Variants in SLC14A2 observed in about 807,000 individuals in gnomAD.
SLC14A2 encodes the protein urea transporter 2.
Under a neutral mutation model 104.6 loss-of-function variants are expected in SLC14A2, and 91 were observed. That is an observed-to-expected ratio of 0.87 (90% CI 0.73 to 1.04). The LOEUF (loss-of-function observed/expected upper bound fraction) is 1.04, where lower values mean the gene tolerates loss of function less well. SLC14A2 is among the 50% of genes least tolerant of loss of function. SLC14A2 has a pLI of 0.00. For missense variants in SLC14A2, 1,189 were observed against 1,156.0 expected, an observed-to-expected ratio of 1.03 and a Z score of -0.41; for synonymous variants, 476 against 466.4, an observed-to-expected ratio of 1.02 and a Z score of -0.27.
intron 1 of SLC14A2, among the ~76,000 whole-genome samples, chr18:45,248,044 T>G (rs903297493): frequency 6.6e-6 from 1 of 152,110 alleles, no homozygotes; most frequent in African/African-American, 2.4e-5. Context: ...AAAAACCCCT[T>G]TCTATCAGTG....
chr18:45,190,628 G>A, the SLC14A2 span, among the ~76,000 whole-genome samples: 1 of 152,262 alleles, frequency 6.6e-6, no homozygotes, highest in South Asian at 2.1e-4. Context: ...ATAGAGATGG[G>A]CCGTGGCAGT....
At chr18:45,284,977 T>C (rs2084798974) in intron 1 of SLC14A2, among the ~76,000 whole-genome samples, 1 of 152,142 alleles carries the variant, frequency 6.6e-6, no homozygotes, top group Admixed American at 6.5e-5. Flanking sequence ...AGAAAGGCTC[T>C]TTTTTAAATA....
upstream of SLC14A2, among the ~76,000 whole-genome samples, chr18:45,612,283 G>A (rs1599064328): frequency 6.6e-6 from 1 of 152,334 alleles, no homozygotes; most frequent in East Asian, 1.9e-4. Context: ...GGGCTGGCAA[G>A]ATAAGCAAAT....
At chr18:45,180,792 A>G in the SLC14A2 span, among the ~76,000 whole-genome samples, 1 of 152,236 alleles carries the variant, frequency 6.6e-6, no homozygotes, top group African/African-American at 2.4e-5. Flanking sequence ...TCAGAACATG[A>G]TATAATCCTT....
chr18:45,182,609 GC>G, the SLC14A2 span, among the ~76,000 whole-genome samples: 1 of 151,710 alleles, frequency 6.6e-6, no homozygotes, highest in African/African-American at 2.4e-5. Flanking sequence ...GACATCAGAA[GC>G]TTTCCTATGT....
At chr18:45,507,533 C>G (rs1417137239) in intron 2 of SLC14A2, 1 of 152,288 alleles carries the variant, frequency 6.6e-6, no homozygotes, top group Non-Finnish European at 1.5e-5. Flanking sequence ...ATTGAACACT[C>G]ACTGTCACCC....
intron 2 of SLC14A2, among the ~76,000 whole-genome samples, chr18:45,607,670 C>A (rs1314292582): frequency 6.6e-6 from 1 of 152,172 alleles, no homozygotes; most frequent in Non-Finnish European, 1.5e-5. Context: ...ATGATAAACA[C>A]TTATTATCTT....
chr18:45,632,870 G>A (rs567205878), intron 5 of SLC14A2, among the ~76,000 whole-genome samples: 43 of 152,244 alleles, frequency 2.8e-4, no homozygotes, highest in African/African-American at 9.9e-4. Context: ...GTAGAGACAG[G>A]GTTTCACTGT....
At chr18:45,359,124 A>C in intron 1 of SLC14A2, among the ~76,000 whole-genome samples, 1 of 152,188 alleles carries the variant, frequency 6.6e-6, no homozygotes, top group Non-Finnish European at 1.5e-5. Context: ...GCAGCAATCC[A>C]ATGCCTTAAA....
chr18:45,216,696 TCCTG>T (rs920481402), intron 1 of SLC14A2, among the ~76,000 whole-genome samples: 22 of 150,898 alleles, frequency 1.5e-4, no homozygotes, highest in Admixed American at 2.0e-4. Context: ...ATTTGAGACT[TCCTG>T]CCATCTTGGA....
rs180746432 is a variant in SLC14A2, at chr18:45,426,816, G to C, written c.-124-56417G>C. On this transcript the variant is annotated intron_variant, in intron 1 of 20. Transcript: ENST00000586448. ...AAGCAGAGTATTGTCCCAGGTTCCT[G>C]GTTCTGCCTCTGGGAACCTGCATTG... 6.6e-5 allele frequency among the ~76,000 whole-genome samples: 10 copies of C among 151,800 alleles called. No homozygotes were observed. The East Asian group carries it at 1.9e-3, about 29-fold the overall frequency.
chr18:45,233,419 C>A (rs2084194304), intron 1 of SLC14A2, among the ~76,000 whole-genome samples: 1 of 152,108 alleles, frequency 6.6e-6, no homozygotes, highest in South Asian at 2.1e-4. Context: ...AATGTGTTGT[C>A]TTTTTCTCTT....
At chr18:45,617,721 C>T (rs570850385) in intron 1 of SLC14A2, among the ~76,000 whole-genome samples, 1 of 152,230 alleles carries the variant, frequency 6.6e-6, no homozygotes, top group Non-Finnish European at 1.5e-5. Flanking sequence ...ATTCTGGCAG[C>T]CTGACCAAAC....
chr18:45,458,198 A>G (rs1335356882), intron 1 of SLC14A2, among the ~76,000 whole-genome samples: 1 of 152,204 alleles, frequency 6.6e-6, no homozygotes, highest in East Asian at 1.9e-4. Flanking sequence ...AGTGGAGCCA[A>G]CAAAAGCTGG....
intron 1 of SLC14A2, among the ~76,000 whole-genome samples, chr18:45,374,612 G>A (rs1231383488): frequency 6.6e-6 from 1 of 151,198 alleles, no homozygotes; most frequent in Non-Finnish European, 1.5e-5. Flanking sequence ...AGTTTACTGT[G>A]CTATTAGAGG....
chr18:45,345,025 C>T (rs542466499), intron 1 of SLC14A2, among the ~76,000 whole-genome samples: 2 of 152,260 alleles, frequency 1.3e-5, no homozygotes, highest in South Asian at 2.1e-4. Context: ...AAGTGTTGGA[C>T]GTGCAGTATG....
At chr18:45,338,773 T>A (rs1287779469) in intron 1 of SLC14A2, among the ~76,000 whole-genome samples, 1 of 148,406 alleles carries the variant, frequency 6.7e-6, no homozygotes, top group Non-Finnish European at 1.5e-5. Context: ...GTCCTGTCCC[T>A]CTGTCCTCGT....
intron 1 of SLC14A2, chr18:45,436,545 C>G (rs998710266): frequency 6.6e-6 from 1 of 152,224 alleles, no homozygotes; most frequent in African/African-American, 2.4e-5. Flanking sequence ...CATATCTCCT[C>G]TCCCTACAAT....
intron 1 of SLC14A2, among the ~76,000 whole-genome samples, chr18:45,285,726 G>A (rs1354802844): frequency 6.7e-6 from 1 of 149,690 alleles, no homozygotes; most frequent in South Asian, 2.1e-4. Context: ...CGCCCAGCCG[G>A]AGCAGATGAA....
Sources: gnomAD v4.1 joint callset for allele counts (sites outside exome capture counted in the v4.1 genomes callset) on GRCh38, gnomAD v4.1.1 for gene constraint, MANE v1.5 for transcripts, NCBI Gene and HGNC (gene_info 2026-07-23, HGNC 2026-07-21) for gene names.